Variants in FAF1 observed in about 807,000 individuals in gnomAD.
The protein encoded by FAF1 is Fas associated factor 1, also known as FAS-associated factor 1.
In FAF1, 25 loss-of-function variants were observed where a neutral mutation model predicts 92.5. The ratio of observed to expected loss-of-function variants is 0.27; its 90% CI spans 0.20 to 0.38. The LOEUF is 0.38. Ranked by LOEUF, FAF1 falls within the 10% of genes least tolerant of loss-of-function variation. The pLI is 1.00. For synonymous variants in FAF1, 234 were observed against 273.2 expected, an observed-to-expected ratio of 0.86 and a Z score of 1.42; for missense variants, 636 against 793.3, an observed-to-expected ratio of 0.80 and a Z score of 2.38.
At chr1:50,459,702 T>C (rs531074613) in intron 18 of FAF1, among the ~76,000 whole-genome samples, 1 of 152,316 alleles carries the variant, frequency 6.6e-6, no homozygotes, top group South Asian at 2.1e-4. Flanking sequence ...TCTAGTGCAA[T>C]AGTCATATCT....
chr1:50,783,749 C>T (rs1476254657), intron 4 of FAF1, among the ~76,000 whole-genome samples: 2 of 152,044 alleles, frequency 1.3e-5, no homozygotes, highest in African/African-American at 4.8e-5. Context: ...TGGCTGTGTG[C>T]CTGTAATCAC....
At chr1:50,572,655 T>A (rs12121301) in intron 12 of FAF1, among the ~76,000 whole-genome samples, 68,709 of 152,040 alleles carry the variant, frequency 0.45, 16,636 homozygotes, top group African/African-American at 0.59. Context: ...GCCATTGCCC[T>A]GCTATGTGAC....
At chr1:50,476,963 G>T (rs996172758) in intron 17 of FAF1, among the ~76,000 whole-genome samples, 1 of 152,116 alleles carries the variant, frequency 6.6e-6, no homozygotes, top group Non-Finnish European at 1.5e-5. Flanking sequence ...AGAGGGTAGG[G>T]GAAACAAGGT....
At chr1:50,569,620 G>A (rs996396310) in intron 12 of FAF1, among the ~76,000 whole-genome samples, 7 of 152,000 alleles carry the variant, frequency 4.6e-5, no homozygotes, top group African/African-American at 1.7e-4. Flanking sequence ...TGAGACAGTG[G>A]GAAAAAGAGA....
At chr1:50,704,297 C>T (rs1287526257) in intron 7 of FAF1, among the ~76,000 whole-genome samples, 1 of 151,978 alleles carries the variant, frequency 6.6e-6, no homozygotes, top group African/African-American at 2.4e-5. Flanking sequence ...GAGAGGGTGG[C>T]AGCAAAATTA....
At chr1:50,828,208 G>C (rs1277577373) in intron 2 of FAF1, among the ~76,000 whole-genome samples, 1 of 150,198 alleles carries the variant, frequency 6.7e-6, no homozygotes, top group Non-Finnish European at 1.5e-5. Flanking sequence ...AGGAATACTT[G>C]ATTTATGACA....
chr1:50,499,470 G>T (rs1646953802), intron 15 of FAF1, among the ~76,000 whole-genome samples: 1 of 139,670 alleles, frequency 7.2e-6, no homozygotes, highest in Non-Finnish European at 1.5e-5. Flanking sequence ...ATTAGCTTTT[G>T]TCTGATGCCG....
At chr1:50,690,145 G>A (rs755729828) in intron 7 of FAF1, among the ~76,000 whole-genome samples, 2 of 151,844 alleles carry the variant, frequency 1.3e-5, no homozygotes, top group Non-Finnish European at 2.9e-5. Flanking sequence ...ACAGGCACAT[G>A]TCACCATGCC....
intron 2 of FAF1, chr1:50,846,649 C>T (rs935305259): frequency 1.9e-6 from 1 of 535,562 alleles, no homozygotes; most frequent in Non-Finnish European, 3.7e-6. Flanking sequence ...ACAACAGAGG[C>T]GGGTATTTCC....
At chr1:50,712,809 C>G (rs879149804) in intron 6 of FAF1, among the ~76,000 whole-genome samples, 1 of 151,974 alleles carries the variant, frequency 6.6e-6, no homozygotes, top group Admixed American at 6.6e-5. Flanking sequence ...ACACAGTACC[C>G]CCTAATTTAT....
intron 8 of FAF1, among the ~76,000 whole-genome samples, chr1:50,650,134 A>G (rs1258304061): frequency 6.6e-6 from 1 of 150,892 alleles, no homozygotes; most frequent in East Asian, 2.0e-4. Context: ...AAAATACAAA[A>G]TTAGCCGGGC....
At chr1:50,632,832 G>A (rs1240966280) in intron 8 of FAF1, among the ~76,000 whole-genome samples, 1 of 152,074 alleles carries the variant, frequency 6.6e-6, no homozygotes, top group Admixed American at 6.6e-5. Flanking sequence ...TAACAGTCTA[G>A]GTGAAAGTAT....
In FAF1 at chr1:50,584,764, A is replaced by C; in HGVS notation, c.888T>G (p.Phe296Leu). The C allele has an allele frequency of 3.1e-6, 5 of 1,613,682 alleles. No individual in the cohort carries two copies. Among genetic ancestry groups the C allele is most frequent in the Non-Finnish European group, 4.2e-6 (5 of 1,179,678 alleles). ...HMVSDSDGDD[F>L]EDATEFGVDD... ...CCACCCCAAATTCTGTAGCATCTTC[A>C]AAGTCATCTCCATCGCTATCACTAA... Residue 296 changes from phenylalanine to leucine, a missense_variant, in exon 10 of 19, where the codon TTT becomes TTG. By Grantham distance (22) the Phe-to-Leu change is conservative. Transcript: ENST00000396153.
intron 2 of FAF1, among the ~76,000 whole-genome samples, chr1:50,841,364 A>G (rs1644254533): frequency 6.6e-6 from 1 of 152,084 alleles, no homozygotes; most frequent in Non-Finnish European, 1.5e-5. Context: ...ATGCTTATAT[A>G]TAGATCCCAG....
Position 50,729,056 on chromosome 1 carries a change from A to AT in FAF1, c.551+9806dup, listed in dbSNP as rs1481654972. 1.3e-3 allele frequency among the ~76,000 whole-genome samples: 140 copies of AT among 105,768 alleles called. 1 individual carries two copies. The highest frequency in any genetic ancestry group is 5.6e-3 in the Middle Eastern group (1 of 180). 69.4% of individuals were successfully genotyped at this position (105,768 alleles called of 152,430 possible). On this transcript the variant is annotated intron_variant, in intron 6 of 18. Coordinates refer to ENST00000396153, the MANE Select transcript of FAF1 (RefSeq NM_007051.3). ...TATCTATATATATATATATATATAT[A>AT]TATTTTTTTTTTTTTTGAGGCAGAG...
intron 4 of FAF1, among the ~76,000 whole-genome samples, chr1:50,782,162 T>C (rs1661201341): frequency 6.6e-6 from 1 of 152,250 alleles, no homozygotes; most frequent in Admixed American, 6.5e-5. Flanking sequence ...ATTGTTATTT[T>C]AAAGTATACA....
chr1:50,485,667 C>CAAAAAAAAAAAAAA (rs999538430), intron 17 of FAF1, among the ~76,000 whole-genome samples: 1 of 13,712 alleles, frequency 7.3e-5, no homozygotes, highest in Admixed American at 1.3e-3. Context: ...GAGACTGTCT[C>CAAAAAAAAAAAAAA]AAAAAAAAAA....
At chr1:50,477,353 T>C (rs1646651332) in intron 17 of FAF1, among the ~76,000 whole-genome samples, 1 of 152,126 alleles carries the variant, frequency 6.6e-6, no homozygotes, top group Non-Finnish European at 1.5e-5. Flanking sequence ...GCTTTTCTTA[T>C]AATGAAGAGA....
chr1:50,692,288 TGTGTGG>T (rs1331481167), intron 7 of FAF1, among the ~76,000 whole-genome samples: 4 of 142,030 alleles, frequency 2.8e-5, no homozygotes, highest in African/African-American at 5.5e-5. Context: ...TGTGTGTGTG[TGTGTGG>T]TGGGAACATT....
Sources: allele counts gnomAD v4.1 joint callset (sites outside exome capture counted in the v4.1 genomes callset), GRCh38; gene constraint gnomAD v4.1.1; transcripts MANE v1.5; gene names NCBI Gene and HGNC (gene_info 2026-07-23, HGNC 2026-07-21).